LAMB4: variants seen among roughly 807,000 people sequenced by gnomAD.
LAMB4 encodes laminin subunit beta 4.
A neutral mutation model predicts 199.2 loss-of-function variants in LAMB4; 196 were observed. The observed-to-expected ratio is 0.98, with a 90% confidence interval of 0.88 to 1.11. LAMB4 has a LOEUF of 1.11. LAMB4 is among the 50% of genes least tolerant of loss of function. The probability of loss-of-function intolerance (pLI) is 0.00; values close to 1 mark genes in which losing one functional copy is unlikely to be tolerated. For synonymous variants in LAMB4, 744 were observed against 770.6 expected (o/e 0.97, Z 0.57); for missense variants, 2,080 against 2,171.2 (o/e 0.96, Z 0.83).
At chr7:108,027,132 A>G (rs377441819) in intron 33 of LAMB4, among the ~76,000 whole-genome samples, 5 of 152,174 alleles carry the variant, frequency 3.3e-5, no homozygotes, top group African/African-American at 1.2e-4. Context: ...GTAAGGGCCA[A>G]GTTCTAGGAT....
At position 108,036,314 on chromosome 7, in the gene LAMB4, A is replaced by C. The variant is rs141887945; in HGVS notation, c.4679+1074T>G. Among the ~76,000 whole-genome samples the C allele has an allele frequency of 7.6e-3, 1,145 of 151,252 alleles. 5 individuals carry two copies. The highest frequency in any genetic ancestry group is 0.015 in the South Asian group (72 of 4,778). On this transcript the variant is annotated intron_variant, in intron 30 of 33. Coordinates refer to ENST00000388781, the MANE Select transcript of LAMB4 (RefSeq NM_007356.3). ...AAGTGATTCTCCTCCTCAGCCTCCC[A>C]AGTAGCTAGGATTACAGGCATGCAC...
chr7:108,083,872 G>A (rs537528880), intron 14 of LAMB4, among the ~76,000 whole-genome samples: 31 of 152,108 alleles, frequency 2.0e-4, no homozygotes, highest in Non-Finnish European at 4.3e-4. Context: ...TCTTGGAGGG[G>A]GACAGAGTTC....
At chr7:108,120,336 AG>A (rs1447472975) in intron 2 of LAMB4, among the ~76,000 whole-genome samples, 2 of 152,224 alleles carry the variant, frequency 1.3e-5, no homozygotes, top group African/African-American at 4.8e-5. Context: ...CTATTAATCT[AG>A]TCATTTTGTA....
In LAMB4 at chr7:108,023,922, G is replaced by T. The variant is rs779419453; in HGVS notation, c.*117C>A. 6 of 796,216 alleles carry T rather than the reference G, an allele frequency of 7.5e-6. No homozygotes were observed. Among genetic ancestry groups the T allele is most frequent in the Non-Finnish European group, 1.1e-5 (6 of 532,718 alleles). The allele number at this position is 796,216 out of a possible 1,614,324, so 49.3% of individuals were successfully genotyped here. ...CTGAGCAGGTGTCTAATAAGGACAG[G>T]GTGTGGGGAAGGAAGGTAGAAGACA... On this transcript the variant is annotated 3_prime_UTR_variant, in exon 34 of 34. Transcript: ENST00000388781.
At position 108,106,031 on chromosome 7, in the gene LAMB4, T is replaced by C. The variant is rs1200493170; in HGVS notation, c.656A>G (p.Asp219Gly). Residue 219 changes from aspartate (D) to glycine (G), a missense_variant and splice_region_variant, in exon 8 of 34, where the codon GAC becomes GGC. Physicochemically the swap from Asp to Gly is moderately conservative, Grantham distance 94 (BLOSUM62 -1). Coordinates refer to ENST00000388781, the MANE Select transcript of LAMB4 (RefSeq NM_007356.3). ...IENPYSPYIQ[D>G]LVTLTNLRIN... is the part of the protein sequence containing the mutation. Reference sequence around the variant, plus strand: ...CCTCAGGTTTGTCAATGTCACAAGGTCTAAAGAAAGGAAAATAATGAATCA... The same window carrying C: ...CCTCAGGTTTGTCAATGTCACAAGGCCTAAAGAAAGGAAAATAATGAATCA... The C allele has an allele frequency of 1.9e-6, 3 of 1,612,018 alleles. No individual in the cohort carries two copies. The highest frequency in any genetic ancestry group is 1.7e-5 in the Admixed American group (1 of 60,010).
chr7:108,074,036 G>A (rs1416583729), intron 17 of LAMB4, among the ~76,000 whole-genome samples: 2 of 152,176 alleles, frequency 1.3e-5, no homozygotes, highest in Non-Finnish European at 2.9e-5. Flanking sequence ...ACTGTGTGGT[G>A]CAATCCAGGC....
At chr7:108,020,115 C>T (rs1396652622), downstream of LAMB4, among the ~76,000 whole-genome samples, 2 of 152,096 alleles carry the variant, frequency 1.3e-5, no homozygotes, top group Non-Finnish European at 2.9e-5. Context: ...TCCATCCCGA[C>T]TTCTTCACGC....
At chr7:108,106,634 C>CT in intron 6 of LAMB4, 62 bp from the exon 7 acceptor site, 2 of 956,908 alleles carry the variant, frequency 2.1e-6, no homozygotes, top group South Asian at 1.5e-5. Flanking sequence ...GTCAAACACA[C>CT]TCTTTTTTTT....
chr7:108,105,927 A>T lies in LAMB4; in HGVS notation c.760T>A (p.Tyr254Asn), dbSNP rs755989607. 1 of 1,614,222 alleles carries T rather than the reference A, an allele frequency of 6.2e-7. No individual in the cohort carries two copies. The change falls in exon 8 of 34, where the codon TAT becomes AAT. Residue 254 changes from tyrosine to asparagine, a missense_variant. Transcript: ENST00000388781. ...CGAACAATCATCTCGTACAGAGCAT[A>T]GTAGTATTTATCAAGGGAATCATTT... is the stretch of plus-strand genomic sequence containing the variant. Reference protein sequence around the residue: ...RQNDSLDKYYYALYEMIVRGS... With the variant: ...RQNDSLDKYYNALYEMIVRGS...
chr7:108,084,784 C>CTT (rs745640979), intron 14 of LAMB4, among the ~76,000 whole-genome samples: 1,470 of 96,464 alleles, frequency 0.015, 35 homozygotes, highest in African/African-American at 0.035. Flanking sequence ...CCAAGGAATC[C>CTT]TTTTTTTTTT....
intron 2 of LAMB4, among the ~76,000 whole-genome samples, chr7:108,119,277 T>C (rs2038516664): frequency 6.6e-6 from 1 of 152,216 alleles, no homozygotes; most frequent in Non-Finnish European, 1.5e-5. Context: ...AAGGGAACTC[T>C]TGAGTATTTA....
chr7:108,101,885 T>C (rs1437888878), intron 10 of LAMB4, among the ~76,000 whole-genome samples: 1 of 152,030 alleles, frequency 6.6e-6, no homozygotes, highest in African/African-American at 2.4e-5. Flanking sequence ...AATGATGAGA[T>C]ACCATTTTTG....
At chr7:108,043,668 C>T in intron 29 of LAMB4, 84 bp downstream of exon 29, 1 of 472,602 alleles carries the variant, frequency 2.1e-6, no homozygotes, top group South Asian at 3.2e-5. Flanking sequence ...CAAGCTCCGC[C>T]TCCTGGGTTC....
chr7:108,101,574 G>A (rs967487157), intron 10 of LAMB4, among the ~76,000 whole-genome samples: 1 of 152,110 alleles, frequency 6.6e-6, no homozygotes, highest in Non-Finnish European at 1.5e-5. Context: ...AACAATAACA[G>A]GCTAACTTGT....
At chr7:108,117,146 A>G (rs1030339184) in intron 2 of LAMB4, among the ~76,000 whole-genome samples, 2 of 152,236 alleles carry the variant, frequency 1.3e-5, no homozygotes, top group African/African-American at 4.8e-5. Context: ...ATAAACCCAT[A>G]TAATCAAATT....
intron 17 of LAMB4, chr7:108,075,554 A>T (rs1461992895): frequency 6.6e-6 from 1 of 152,240 alleles, no homozygotes; most frequent in African/African-American, 2.4e-5. Context: ...TTAACAAAGA[A>T]ATTTTATTTT....
intron 23 of LAMB4, among the ~76,000 whole-genome samples, chr7:108,058,877 G>C (rs868630114): frequency 6.6e-6 from 1 of 151,922 alleles, no homozygotes; most frequent in African/African-American, 2.4e-5. Flanking sequence ...GGCTGGTCTC[G>C]AACTCCTGAC....
intron 25 of LAMB4, among the ~76,000 whole-genome samples, chr7:108,055,187 G>GTTT (rs371917253): frequency 1.0e-4 from 14 of 138,510 alleles, no homozygotes; most frequent in Non-Finnish European, 1.8e-4. Context: ...ATTTCCAGCT[G>GTTT]TTTTTTTTTT....
At chr7:108,035,645 A>G (rs2035202162) in intron 30 of LAMB4, among the ~76,000 whole-genome samples, 1 of 150,798 alleles carries the variant, frequency 6.6e-6, no homozygotes. Flanking sequence ...TAAGAAGGGG[A>G]AAAAATACCA....
Sources: gnomAD v4.1 joint callset for allele counts (sites outside exome capture counted in the v4.1 genomes callset) on GRCh38, gnomAD v4.1.1 for gene constraint, MANE v1.5 for transcripts, NCBI Gene and HGNC (gene_info 2026-07-23, HGNC 2026-07-21) for gene names.